TENM2: variants seen among roughly 807,000 people sequenced by gnomAD.
TENM2 encodes the protein teneurin-2.
In TENM2, 52 loss-of-function variants were observed where a neutral mutation model predicts 245.2. That is an observed-to-expected ratio of 0.21 (90% confidence interval 0.17 to 0.27). The LOEUF is 0.27. Ranked by LOEUF, TENM2 falls within the 10% of genes least tolerant of loss-of-function variation. The pLI is 1.00. For missense variants in TENM2, 3,046 were observed against 3,666.8 expected (o/e 0.83, Z 4.37); for synonymous variants, 1,363 against 1,438.9 (o/e 0.95, Z 1.19).
intron 2 of TENM2, among the ~76,000 whole-genome samples, chr5:167,846,006 G>A (rs973829274): frequency 4.6e-5 from 7 of 151,966 alleles, no homozygotes; most frequent in African/African-American, 1.5e-4. Flanking sequence ...CATCTTCTTC[G>A]CAATGCCCAA....
chr5:167,463,051 G>T (rs753986468), intron 2 of TENM2, among the ~76,000 whole-genome samples: 1 of 151,972 alleles, frequency 6.6e-6, no homozygotes, highest in East Asian at 1.9e-4. Flanking sequence ...TTTCTATACC[G>T]TAAGGTGCTA....
chr5:167,488,150 T>G (rs1768198619), intron 2 of TENM2, among the ~76,000 whole-genome samples: 1 of 152,202 alleles, frequency 6.6e-6, no homozygotes, highest in South Asian at 2.1e-4. Context: ...CATAAATTAT[T>G]CTGTCTTTCT....
intron 2 of TENM2, among the ~76,000 whole-genome samples, chr5:167,566,229 G>A (rs1016125890): frequency 6.6e-6 from 1 of 151,678 alleles, no homozygotes; most frequent in Admixed American, 6.6e-5. Flanking sequence ...TAAGAAAACT[G>A]TGAGTGGAAG....
chr5:168,131,908 A>G (rs1192721906), intron 12 of TENM2, among the ~76,000 whole-genome samples: 3 of 152,148 alleles, frequency 2.0e-5, no homozygotes, highest in African/African-American at 7.2e-5. Context: ...TATTAGAACT[A>G]TCCTTGGAGT....
chr5:167,033,622 G>A, the TENM2 span, among the ~76,000 whole-genome samples: 2 of 152,142 alleles, frequency 1.3e-5, no homozygotes, highest in Non-Finnish European at 1.5e-5. Context: ...TTATTTTATA[G>A]TAATTTTGTA....
At chr5:167,106,436 G>A in the TENM2 span, among the ~76,000 whole-genome samples, 2 of 152,196 alleles carry the variant, frequency 1.3e-5, no homozygotes, top group Non-Finnish European at 2.9e-5. Context: ...AGCATGTTGA[G>A]TGTATTATTA....
chr5:167,556,109 C>T (rs1465431635), intron 2 of TENM2, among the ~76,000 whole-genome samples: 2 of 152,030 alleles, frequency 1.3e-5, no homozygotes, highest in African/African-American at 4.8e-5. Context: ...GTCATTTTGC[C>T]TCTGTCATCT....
At chr5:167,573,264 A>T (rs1289493825) in intron 2 of TENM2, among the ~76,000 whole-genome samples, 1 of 152,146 alleles carries the variant, frequency 6.6e-6, no homozygotes, top group Non-Finnish European at 1.5e-5. Flanking sequence ...TTGCACATAA[A>T]TGCATCCTAA....
rs552699165 is a variant in TENM2 at position 167,889,913 on chromosome 5, A to T, written c.712+13718A>T. ...CAGGGAGGGGAAAAAGTCATATTAC[A>T]CTAGGCAGACTTGGCCTTTTCTGCC... On this transcript the variant is annotated intron_variant, in intron 3 of 28. Transcript: ENST00000518659. 1.3e-4 allele frequency among the ~76,000 whole-genome samples: 20 copies of T among 152,250 alleles called. No homozygotes were observed. In the South Asian group the frequency reaches 1.5e-3, roughly 11 times the overall value.
chr5:167,023,050 CT>C, the TENM2 span, among the ~76,000 whole-genome samples: 2 of 152,122 alleles, frequency 1.3e-5, no homozygotes, highest in Non-Finnish European at 2.9e-5. Flanking sequence ...CTAATATGGC[CT>C]CTGGGACTTA....
chr5:167,358,121 T>C (rs1327047563), intron 1 of TENM2, among the ~76,000 whole-genome samples: 1 of 152,224 alleles, frequency 6.6e-6, no homozygotes, highest in East Asian at 1.9e-4. Context: ...TGACTTACAT[T>C]CACCCACTTC....
At chr5:168,111,001 G>A (rs755496261) in intron 9 of TENM2, among the ~76,000 whole-genome samples, 4 of 152,078 alleles carry the variant, frequency 2.6e-5, no homozygotes, top group Non-Finnish European at 4.4e-5. Flanking sequence ...TTAATTTATC[G>A]ATTCATCCAA....
chr5:167,210,618 C>G, the TENM2 span, among the ~76,000 whole-genome samples: 180 of 151,730 alleles, frequency 1.2e-3, no homozygotes, highest in African/African-American at 4.3e-3. Flanking sequence ...CGCCCGCCAC[C>G]GCGCCCGGCT....
chr5:168,127,868 C>G (rs920491558), intron 12 of TENM2, among the ~76,000 whole-genome samples: 1 of 152,182 alleles, frequency 6.6e-6, no homozygotes, highest in Non-Finnish European at 1.5e-5. Context: ...ACGTTTCCAG[C>G]CAAACTACAG....
chr5:167,429,591 T>TTCTC lies in TENM2; in HGVS notation c.502+54132_502+54135dup, dbSNP rs200918525. ...ATCAGGAAGGTCAGGGAAATTCTCTTTCTCTCTCTCTCTCTCTTTTTTTTT... is the reference window on the plus strand; with the variant it reads ...ATCAGGAAGGTCAGGGAAATTCTCTTTCTCTCTCTCTCTCTCTCTCTTTTTTTTT... On this transcript the variant is annotated intron_variant, in intron 2 of 28. Coordinates refer to ENST00000518659, the Ensembl canonical transcript of TENM2. 9.8e-4 allele frequency among the ~76,000 whole-genome samples: 131 copies of TTCTC among 134,072 alleles called. 1 individual carries two copies. The highest frequency in any genetic ancestry group is 3.7e-3 in the African/African-American group (119 of 32,578). 88.0% of individuals were successfully genotyped at this position (134,072 alleles called of 152,430 possible).
chr5:167,342,437 C>T (rs1198391555), intron 1 of TENM2, among the ~76,000 whole-genome samples: 1 of 147,808 alleles, frequency 6.8e-6, no homozygotes, highest in Admixed American at 6.7e-5. Context: ...ACATGACTTA[C>T]TGCTTATGAT....
At chr5:167,812,022 G>A (rs1271688125) in intron 2 of TENM2, among the ~76,000 whole-genome samples, 1 of 152,126 alleles carries the variant, frequency 6.6e-6, no homozygotes, top group African/African-American at 2.4e-5. Flanking sequence ...AAAGTTCCCT[G>A]CAAAAGGGAT....
the TENM2 span, among the ~76,000 whole-genome samples, chr5:167,091,506 T>C: frequency 6.6e-6 from 1 of 152,182 alleles, no homozygotes. Context: ...AGGTACATTA[T>C]ACAAGTCATT....
At chr5:168,071,144 C>T (rs1448408951) in intron 7 of TENM2, among the ~76,000 whole-genome samples, 1 of 152,168 alleles carries the variant, frequency 6.6e-6, no homozygotes, top group African/African-American at 2.4e-5. Flanking sequence ...AGTCATTCAG[C>T]CTTTCTGTGC....
Sources: gnomAD v4.1 joint callset for allele counts (sites outside exome capture counted in the v4.1 genomes callset) on GRCh38, gnomAD v4.1.1 for gene constraint, MANE v1.5 for transcripts, NCBI Gene and HGNC (gene_info 2026-07-23, HGNC 2026-07-21) for gene names.